Variants in SPATS2L observed in about 807,000 individuals in gnomAD.
SPATS2L encodes spermatogenesis associated serine rich 2 like.
SPATS2L carries 30 observed loss-of-function variants against 59.6 expected under a neutral mutation model. The observed-to-expected ratio is 0.50, with a 90% confidence interval of 0.38 to 0.68. SPATS2L has a LOEUF of 0.68. SPATS2L is among the 30% of genes least tolerant of loss of function. The pLI, the probability that SPATS2L is intolerant of heterozygous loss-of-function variation, is 0.00. For synonymous variants in SPATS2L, 252 were observed against 263.5 expected (o/e 0.96, Z 0.42); for missense variants, 615 against 700.0 (o/e 0.88, Z 1.37).
At chr2:200,413,294 TTATC>T (rs3835862) in intron 4 of SPATS2L, among the ~76,000 whole-genome samples, 39,066 of 151,964 alleles carry the variant, frequency 0.26, 6,133 homozygotes, top group Non-Finnish European at 0.35. Context: ...TCAGTTTATC[TTATC>T]TATCTCTAAA....
intron 6 of SPATS2L, among the ~76,000 whole-genome samples, chr2:200,420,879 C>G (rs954311850): frequency 1.2e-4 from 19 of 152,208 alleles, no homozygotes; most frequent in African/African-American, 4.1e-4. Context: ...TCCTGCCCCC[C>G]AACCCCACCG....
intron 6 of SPATS2L, among the ~76,000 whole-genome samples, chr2:200,426,938 A>G (rs766452723): frequency 6.6e-6 from 1 of 152,162 alleles, no homozygotes; most frequent in Admixed American, 6.5e-5. Context: ...AGAGACAGAC[A>G]CAGGATGTAG....
chr2:200,311,489 C>T (rs939731978), intron 1 of SPATS2L, among the ~76,000 whole-genome samples: 8 of 152,168 alleles, frequency 5.3e-5, no homozygotes, highest in African/African-American at 9.7e-5. Context: ...GTATTTTATA[C>T]GTCAAACAAT....
chr2:200,351,184 G>T (rs890669557), intron 2 of SPATS2L: 4 of 468,948 alleles, frequency 8.5e-6, no homozygotes, highest in Non-Finnish European at 1.8e-5. Flanking sequence ...AAGTGCATTT[G>T]TGTATTTCTT....
chr2:200,329,417 T>G lies in SPATS2L; in HGVS notation c.-72-14T>G. The G allele has an allele frequency of 6.5e-7, 1 of 1,550,268 alleles. No homozygotes were observed. The highest frequency in any genetic ancestry group is 2.4e-5 in the East Asian group (1 of 40,918). ...TGAGACCTGCCTGACTTCCCAAATT[T>G]CCATTTTTCCTAGAGCTCTTCAGAA... On this transcript the variant is annotated splice_polypyrimidine_tract_variant and intron_variant, in intron 1 of 12. Transcript: ENST00000409140.
chr2:200,412,009 A>G (rs2082892981), intron 3 of SPATS2L, among the ~76,000 whole-genome samples: 1 of 152,198 alleles, frequency 6.6e-6, no homozygotes, highest in South Asian at 2.1e-4. Flanking sequence ...TCTTGTATGC[A>G]TCTGTAGTCT....
intron 2 of SPATS2L, among the ~76,000 whole-genome samples, chr2:200,385,897 G>C (rs2081977302): frequency 6.6e-6 from 1 of 152,140 alleles, no homozygotes; most frequent in Non-Finnish European, 1.5e-5. Context: ...GTTTCACTGT[G>C]TTAGCCAGGA....
Position 200,412,408 on chromosome 2 carries a change from C to G in SPATS2L, c.137C>G (p.Ala46Gly). The G allele has an allele frequency of 1.3e-6, 2 of 1,591,578 alleles. No individual in the cohort carries two copies. Among genetic ancestry groups the G allele is most frequent in the South Asian group, 2.3e-5 (2 of 87,014 alleles). Reference protein sequence around the residue: ...FDFNVDKAVQAFVDGSAIQVL... With the variant: ...FDFNVDKAVQGFVDGSAIQVL... ...TTTAATGTGGATAAAGCCGTGCAAG[C>G]CTTTGTGGATGGTAGGTATACCTGT... is the stretch of plus-strand genomic sequence containing the variant. Residue 46 changes from alanine to glycine, a missense_variant, in exon 4 of 13, where the codon GCC becomes GGC. By Grantham distance (60) the Ala-to-Gly change is moderately conservative. Around this residue, in one of 3 missense-constraint regions of SPATS2L, gnomAD observed 227 missense variants for 257.4 expected, o/e 0.88. Transcript: ENST00000409140.
At chr2:200,350,880 G>A (rs57756599) in intron 2 of SPATS2L, among the ~76,000 whole-genome samples, 15,497 of 152,114 alleles carry the variant, frequency 0.1, 889 homozygotes, top group Non-Finnish European at 0.13. Context: ...GATAGTGACT[G>A]ACTAGGGCTG....
intron 8 of SPATS2L, among the ~76,000 whole-genome samples, chr2:200,454,636 T>A (rs1269877890): frequency 6.6e-6 from 1 of 152,230 alleles, no homozygotes; most frequent in Non-Finnish European, 1.5e-5. Context: ...ATTGCTTTGA[T>A]AATAAAAGCT....
At chr2:200,343,798 T>C (rs984080846) in intron 2 of SPATS2L, among the ~76,000 whole-genome samples, 1 of 152,124 alleles carries the variant, frequency 6.6e-6, no homozygotes, top group African/African-American at 2.4e-5. Context: ...TGAAAAGATG[T>C]TTATGATACA....
intron 2 of SPATS2L, among the ~76,000 whole-genome samples, chr2:200,369,078 TAAAA>T (rs11383455): frequency 7.9e-6 from 1 of 126,282 alleles, no homozygotes. Context: ...TTGATAGTTC[TAAAA>T]AAAAAAAAAA....
chr2:200,326,261 C>G (rs1256481790), intron 1 of SPATS2L, among the ~76,000 whole-genome samples: 1 of 152,178 alleles, frequency 6.6e-6, no homozygotes, highest in African/African-American at 2.4e-5. Context: ...CAAGGGCTTG[C>G]CACCATGCCC....
intron 6 of SPATS2L, among the ~76,000 whole-genome samples, chr2:200,435,756 T>C (rs1285304123): frequency 6.6e-6 from 1 of 152,126 alleles, no homozygotes; most frequent in Non-Finnish European, 1.5e-5. Context: ...AGATCAAAAC[T>C]CTCACACTCC....
At chr2:200,351,635 A>T (rs2080731915) in intron 2 of SPATS2L, among the ~76,000 whole-genome samples, 1 of 152,210 alleles carries the variant, frequency 6.6e-6, no homozygotes, top group Non-Finnish European at 1.5e-5. Flanking sequence ...TGATTTACAT[A>T]GCCTTAAACT....
chr2:200,410,594 T>A (rs796542323), intron 3 of SPATS2L, among the ~76,000 whole-genome samples: 2 of 152,182 alleles, frequency 1.3e-5, no homozygotes, highest in African/African-American at 4.8e-5. Context: ...TTCTCATCCA[T>A]GCCTTGCCCC....
At chr2:200,399,557 T>C (rs2082457237) in intron 3 of SPATS2L, among the ~76,000 whole-genome samples, 1 of 147,978 alleles carries the variant, frequency 6.8e-6, no homozygotes, top group Non-Finnish European at 1.5e-5. Flanking sequence ...TTTAATTCTT[T>C]TTTACTGCCT....
intron 2 of SPATS2L, among the ~76,000 whole-genome samples, chr2:200,335,399 A>AG (rs1208665671): frequency 6.6e-6 from 1 of 151,844 alleles, no homozygotes; most frequent in Non-Finnish European, 1.5e-5. Context: ...GAAAGAAAAA[A>AG]AAAAGAAGAT....
At position 200,329,429 on chromosome 2, in the gene SPATS2L, A is replaced by G. The variant is rs781565224; in HGVS notation, c.-72-2A>G. ...GACTTCCCAAATTTCCATTTTTCCT[A>G]GAGCTCTTCAGAAACCAGGCTGCTT... On this transcript the variant is annotated splice_acceptor_variant, in intron 1 of 12. Transcript: ENST00000409140. LOFTEE classifies it low-confidence loss of function (5UTR_SPLICE). The G allele has an allele frequency of 1.8e-4, 273 of 1,549,890 alleles. No homozygotes were observed. Among genetic ancestry groups the G allele is most frequent in the Non-Finnish European group, 1.7e-4 (200 of 1,146,534 alleles).
Sources: gnomAD v4.1 joint callset for allele counts (sites outside exome capture counted in the v4.1 genomes callset) on GRCh38, gnomAD v4.1.1 for gene constraint, gnomAD v4.1.1 regional missense constraint, MANE v1.5 for transcripts, NCBI Gene and HGNC (gene_info 2026-07-23, HGNC 2026-07-21) for gene names.